The following TASP1 variants were observed in gnomAD, a reference collection of about 807,000 sequenced individuals.
TASP1 encodes taspase 1, also known as threonine aspartase 1.
In TASP1, 16 loss-of-function variants were observed where a neutral mutation model predicts 56.6. That is an observed-to-expected ratio of 0.28 (90% CI 0.19 to 0.43). TASP1 has a LOEUF of 0.43. TASP1 is among the 20% of genes least tolerant of loss of function. The pLI is 1.00. For synonymous variants in TASP1, 179 were observed against 184.2 expected (o/e 0.97, Z 0.23); for missense variants, 393 against 511.6 (o/e 0.77, Z 2.24).
chr20:13,313,750 G>T, the TASP1 span, among the ~76,000 whole-genome samples: 1 of 152,094 alleles, frequency 6.6e-6, no homozygotes, highest in African/African-American at 2.4e-5. Context: ...CATAGTAAAA[G>T]GCAAAAACTA....
At chr20:13,272,990 T>C in the TASP1 span, among the ~76,000 whole-genome samples, 1 of 152,226 alleles carries the variant, frequency 6.6e-6, no homozygotes, top group African/African-American at 2.4e-5. Flanking sequence ...TGAGCTATAA[T>C]ATCAGTGTAA....
the TASP1 span, chr20:13,299,691 T>C: frequency 2.2e-6 from 1 of 461,268 alleles, no homozygotes; most frequent in South Asian, 4.5e-5. This position sits in a 1 kb window ranked among gnomAD's most constrained non-coding sequence, Gnocchi z 5.8. Context: ...TGGGGAGCGA[T>C]GTGGGCAGAA....
the TASP1 span, among the ~76,000 whole-genome samples, chr20:13,178,168 TATC>T: frequency 5.9e-5 from 9 of 152,122 alleles, no homozygotes; most frequent in Middle Eastern, 3.4e-3. Context: ...CAGCATCACT[TATC>T]ATCAGGGAAA....
At chr20:13,624,480 ATCT>A (rs1314419002) in intron 3 of TASP1, among the ~76,000 whole-genome samples, 3 of 152,144 alleles carry the variant, frequency 2.0e-5, no homozygotes, top group Admixed American at 6.5e-5. Flanking sequence ...ATAAAGTATA[ATCT>A]TCTTTTTAAT....
intron 6 of TASP1, among the ~76,000 whole-genome samples, chr20:13,574,204 A>G (rs1004089489): frequency 2.6e-5 from 4 of 152,170 alleles, no homozygotes; most frequent in African/African-American, 7.2e-5. Flanking sequence ...TAAAGGCCTC[A>G]TTCTAGGTGC....
the TASP1 span, among the ~76,000 whole-genome samples, chr20:13,143,444 AT>A: frequency 7.9e-5 from 12 of 152,200 alleles, no homozygotes; most frequent in African/African-American, 2.2e-4. Flanking sequence ...GGGCATTATT[AT>A]TATTATCCTT....
At chr20:13,118,052 T>A in the TASP1 span, among the ~76,000 whole-genome samples, 1 of 152,058 alleles carries the variant, frequency 6.6e-6, no homozygotes, top group Admixed American at 6.6e-5. Flanking sequence ...TGAATATCCA[T>A]CTGGTAGACA....
At chr20:13,172,026 C>T in the TASP1 span, among the ~76,000 whole-genome samples, 2 of 151,548 alleles carry the variant, frequency 1.3e-5, no homozygotes, top group Non-Finnish European at 2.9e-5. Context: ...ATCTTTGAAT[C>T]TCAGAATATA....
At chr20:13,423,178 T>C (rs754212521) in intron 12 of TASP1, among the ~76,000 whole-genome samples, 1 of 152,150 alleles carries the variant, frequency 6.6e-6, no homozygotes, top group African/African-American at 2.4e-5. Context: ...TATGTAACAA[T>C]TAAAAACAAA....
chr20:13,285,127 A>T, the TASP1 span, among the ~76,000 whole-genome samples: 4 of 151,960 alleles, frequency 2.6e-5, no homozygotes, highest in African/African-American at 9.7e-5. Context: ...TCTCTATAAA[A>T]TTTTTTTGAA....
chr20:13,221,935 G>A, the TASP1 span: 3 of 1,316,942 alleles, frequency 2.3e-6, no homozygotes, highest in Non-Finnish European at 1.9e-6. Flanking sequence ...CGCCGGAGAG[G>A]GCCGTGCGCG....
chr20:13,630,250 TTTAAG>T lies in TASP1; in HGVS notation c.-74-103_-74-99del, dbSNP rs1157422559. 9.9e-6 allele frequency: 6 copies of T among 605,178 alleles called. No individual in the cohort carries two copies. The East Asian group carries it at 1.7e-4, about 17-fold the overall frequency. 37.5% of individuals were successfully genotyped at this position (605,178 alleles called of 1,614,324 possible). Reference sequence around the variant, plus strand: ...AAAGATAATGTTCAAAAATCCTATTTTTAAGTTATTTAATTGAGCAATACAAAAAA... The same window carrying T: ...AAAGATAATGTTCAAAAATCCTATTTTTATTTAATTGAGCAATACAAAAAA... On this transcript the variant is annotated intron_variant, in intron 1 of 13. Coordinates refer to ENST00000337743, the MANE Select transcript of TASP1 (RefSeq NM_017714.3).
the TASP1 span, among the ~76,000 whole-genome samples, chr20:13,173,514 G>C: frequency 2.0e-5 from 3 of 152,192 alleles, no homozygotes; most frequent in Non-Finnish European, 4.4e-5. Flanking sequence ...GCTGTAAGAT[G>C]TGAATGCTCT....
chr20:13,526,192 T>G (rs2044972022), intron 10 of TASP1, among the ~76,000 whole-genome samples: 1 of 152,148 alleles, frequency 6.6e-6, no homozygotes. Flanking sequence ...TGGAAATCTC[T>G]TTTCCAAATT....
the TASP1 span, among the ~76,000 whole-genome samples, chr20:13,328,498 C>T: frequency 6.6e-6 from 1 of 152,320 alleles, no homozygotes; most frequent in East Asian, 1.9e-4. Context: ...TATGAAGACA[C>T]ATGCACACAT....
At chr20:13,172,844 G>A in the TASP1 span, among the ~76,000 whole-genome samples, 2 of 152,284 alleles carry the variant, frequency 1.3e-5, no homozygotes, top group African/African-American at 4.8e-5. Flanking sequence ...AGGAAAGAGT[G>A]AAATTAATAT....
chr20:13,635,226 T>C (rs1383456319), intron 1 of TASP1, among the ~76,000 whole-genome samples: 7 of 152,100 alleles, frequency 4.6e-5, no homozygotes, highest in African/African-American at 1.2e-4. Flanking sequence ...ATAAATTGTA[T>C]CTTTCCCAAG....
intron 11 of TASP1, among the ~76,000 whole-genome samples, chr20:13,467,409 T>A (rs1331243324): frequency 4.1e-5 from 6 of 147,728 alleles, no homozygotes; most frequent in Non-Finnish European, 3.0e-5. Context: ...ATCTTTAAAA[T>A]GTCTTCCTAA....
At chr20:13,547,126 A>C (rs546680121) in intron 8 of TASP1, among the ~76,000 whole-genome samples, 1 of 152,334 alleles carries the variant, frequency 6.6e-6, no homozygotes, top group South Asian at 2.1e-4. Context: ...CTATTTCTAG[A>C]GACTGTGATA....
Sources: gnomAD v4.1 joint callset for allele counts (sites outside exome capture counted in the v4.1 genomes callset) on GRCh38, gnomAD v4.1.1 for gene constraint, Gnocchi (gnomAD v3.1) non-coding constraint, MANE v1.5 for transcripts, NCBI Gene and HGNC (gene_info 2026-07-23, HGNC 2026-07-21) for gene names.